Variants in IL1RAPL1 observed in about 807,000 individuals in gnomAD.
IL1RAPL1 encodes interleukin 1 receptor accessory protein like 1.
In IL1RAPL1, 3 loss-of-function variants were observed where a neutral mutation model predicts 48.4. The ratio of observed to expected loss-of-function variants is 0.06; its 90% CI spans 0.03 to 0.16. The LOEUF is 0.16. Ranked by LOEUF, IL1RAPL1 falls within the 10% of genes least tolerant of loss-of-function variation. The probability of loss-of-function intolerance (pLI) is 1.00; values close to 1 mark genes in which losing one functional copy is unlikely to be tolerated. For synonymous variants in IL1RAPL1, 185 were observed against 187.7 expected (o/e 0.99, Z 0.12); for missense variants, 349 against 530.6 (o/e 0.66, Z 3.36).
chrX:28,678,958 G>C lies in IL1RAPL1; in HGVS notation c.-25+90911G>C, dbSNP rs778076454. On this transcript the variant is annotated intron_variant, in intron 1 of 10. Coordinates refer to ENST00000378993, the MANE Select transcript of IL1RAPL1 (RefSeq NM_014271.4). ...TTCCTTTCAATATATGCCCAGAAGT[G>C]GGATGGCTGGATCATATGGTAGTTT... Among the ~76,000 whole-genome samples the C allele has an allele frequency of 8.0e-5, 9 of 111,877 alleles. No homozygotes were observed. The East Asian group carries it at 2.5e-3, about 31-fold the overall frequency.
intron 2 of IL1RAPL1, among the ~76,000 whole-genome samples, chrX:29,180,761 A>T (rs950572051): frequency 8.9e-6 from 1 of 111,762 alleles, no homozygotes; most frequent in Admixed American, 9.5e-5. Flanking sequence ...GTGCTCTATC[A>T]GTTGATCCTC....
intron 1 of IL1RAPL1, among the ~76,000 whole-genome samples, chrX:28,649,136 T>C (rs1459114543): frequency 8.9e-6 from 1 of 112,232 alleles, no homozygotes; most frequent in Non-Finnish European, 1.9e-5. Flanking sequence ...CATTGTGGAA[T>C]GGATAAATTT....
intron 2 of IL1RAPL1, among the ~76,000 whole-genome samples, chrX:29,066,499 C>G (rs776909888): frequency 8.9e-6 from 1 of 112,434 alleles, no homozygotes; most frequent in East Asian, 2.8e-4. Flanking sequence ...CAGTTAAACT[C>G]AAGCCCCTTT....
intron 2 of IL1RAPL1, among the ~76,000 whole-genome samples, chrX:29,150,043 T>C (rs1208007138): frequency 8.9e-6 from 1 of 111,968 alleles, no homozygotes; most frequent in Non-Finnish European, 1.9e-5. Flanking sequence ...GGAATAATAA[T>C]GCATGCTTTG....
chrX:28,678,145 C>T (rs778164228), intron 1 of IL1RAPL1, among the ~76,000 whole-genome samples: 2 of 111,277 alleles, frequency 1.8e-5, no homozygotes, highest in East Asian at 2.8e-4. Context: ...TTTTTTGGGC[C>T]GGATGAAGGA....
intron 2 of IL1RAPL1, among the ~76,000 whole-genome samples, chrX:29,178,555 C>T (rs1214344121): frequency 9.0e-6 from 1 of 111,580 alleles, no homozygotes; most frequent in Non-Finnish European, 1.9e-5. Context: ...TGCCTGTTCA[C>T]TCTGATGGTA....
chrX:29,740,130 A>C (rs780191356), intron 6 of IL1RAPL1, among the ~76,000 whole-genome samples: 1 of 107,515 alleles, frequency 9.3e-6, no homozygotes, highest in East Asian at 2.9e-4. Context: ...CAGAAAAAAA[A>C]AAAAAAAAAA....
chrX:29,615,806 T>C (rs1924268937), intron 5 of IL1RAPL1, among the ~76,000 whole-genome samples: 1 of 112,454 alleles, frequency 8.9e-6, no homozygotes, highest in South Asian at 3.7e-4. Flanking sequence ...TATGTATCTA[T>C]TTTTGTTTCT....
intron 4 of IL1RAPL1, among the ~76,000 whole-genome samples, chrX:29,398,525 T>A (rs964367421): frequency 8.9e-6 from 1 of 112,147 alleles, no homozygotes; most frequent in Non-Finnish European, 1.9e-5. Context: ...TGAAAACAGA[T>A]ATTTATGGAA....
At chrX:29,055,466 C>T (rs1387907110) in intron 2 of IL1RAPL1, among the ~76,000 whole-genome samples, 1 of 111,566 alleles carries the variant, frequency 9.0e-6, no homozygotes, top group Admixed American at 9.6e-5. Flanking sequence ...TTATCAATGT[C>T]AAATGCACTA....
At chrX:28,713,083 TC>T (rs1935460257) in intron 1 of IL1RAPL1, among the ~76,000 whole-genome samples, 1 of 110,620 alleles carries the variant, frequency 9.0e-6, no homozygotes, top group African/African-American at 3.3e-5. Context: ...AGACAGAGTC[TC>T]ACTGTGTCGC....
At chrX:29,026,270 A>T (rs1221781849) in intron 2 of IL1RAPL1, among the ~76,000 whole-genome samples, 1 of 112,256 alleles carries the variant, frequency 8.9e-6, no homozygotes, top group Non-Finnish European at 1.9e-5. Flanking sequence ...ATTTGATTTG[A>T]TTATCAGAAA....
chrX:29,613,173 G>A (rs899779158), intron 5 of IL1RAPL1, among the ~76,000 whole-genome samples: 1 of 112,234 alleles, frequency 8.9e-6, no homozygotes, highest in Non-Finnish European at 1.9e-5. Flanking sequence ...TAAAAATCAC[G>A]TACTAAGAAA....
intron 3 of IL1RAPL1, among the ~76,000 whole-genome samples, chrX:29,354,022 C>A (rs1282876925): frequency 9.1e-6 from 1 of 110,322 alleles, no homozygotes; most frequent in Non-Finnish European, 1.9e-5. Flanking sequence ...AATAAGCAAA[C>A]AAATAACCTT....
intron 5 of IL1RAPL1, among the ~76,000 whole-genome samples, chrX:29,582,129 G>C (rs770168948): frequency 4.7e-4 from 52 of 111,072 alleles, no homozygotes; most frequent in African/African-American, 1.7e-3. Context: ...TCCCAGAATT[G>C]CTTAACGTGG....
chrX:28,789,324 C>T lies in IL1RAPL1; in HGVS notation c.-20C>T, dbSNP rs200878713. The T allele has an allele frequency of 1.0e-3, 1,132 of 1,133,249 alleles. 1 individual carries two copies. The highest frequency in any genetic ancestry group is 4.1e-3 in the Middle Eastern group (17 of 4,113). 93.4% of individuals were successfully genotyped at this position (1,133,249 alleles called of 1,213,427 possible). On this transcript the variant is annotated 5_prime_UTR_variant, in exon 2 of 11. It adds an upstream start codon to the 5' untranslated region. Transcript: ENST00000378993. ...TCTTTTTAATCTTTGCTTTAGGGAACGGCCTTTAAGAGCTGGAAGATGAAA... is the reference window on the plus strand; with the variant it reads ...TCTTTTTAATCTTTGCTTTAGGGAATGGCCTTTAAGAGCTGGAAGATGAAA...
At chrX:29,915,172 C>T (rs1174125990) in intron 6 of IL1RAPL1, among the ~76,000 whole-genome samples, 1 of 111,754 alleles carries the variant, frequency 8.9e-6, no homozygotes, top group Non-Finnish European at 1.9e-5. Flanking sequence ...GTGGCACGTG[C>T]CTGTAATCCC....
intron 6 of IL1RAPL1, among the ~76,000 whole-genome samples, chrX:29,835,466 G>C (rs1930973503): frequency 8.9e-6 from 1 of 111,956 alleles, no homozygotes; most frequent in Non-Finnish European, 1.9e-5. Flanking sequence ...ATTGCGTGTA[G>C]TTTTCTTTTA....
chrX:29,653,040 A>G (rs1925564633), intron 5 of IL1RAPL1, among the ~76,000 whole-genome samples: 1 of 112,073 alleles, frequency 8.9e-6, no homozygotes, highest in South Asian at 3.7e-4. Flanking sequence ...ATGCAATTCC[A>G]TGTAATTCCA....
Sources: allele counts gnomAD v4.1 joint callset (sites outside exome capture counted in the v4.1 genomes callset), GRCh38; gene constraint gnomAD v4.1.1; transcripts MANE v1.5; gene names NCBI Gene and HGNC (gene_info 2026-07-23, HGNC 2026-07-21).